DNAH3: variants seen among roughly 807,000 people sequenced by gnomAD.
DNAH3 encodes axonemal beta dynein heavy chain 3.
In DNAH3, 332 loss-of-function variants were observed where a neutral mutation model predicts 432.5. That is an observed-to-expected ratio of 0.77 (90% confidence interval 0.70 to 0.84). DNAH3 has a LOEUF of 0.84. Ranked by LOEUF, DNAH3 falls within the 40% of genes least tolerant of loss-of-function variation. The pLI, the probability that DNAH3 is intolerant of heterozygous loss-of-function variation, is 0.00. For missense variants in DNAH3, 4,861 were observed against 5,114.0 expected (o/e 0.95, Z 1.51); for synonymous variants, 1,956 against 1,900.2 (o/e 1.03, Z -0.76).
intron 11 of DNAH3, among the ~76,000 whole-genome samples, chr16:21,118,202 T>C (rs556386436): frequency 5.3e-5 from 8 of 151,982 alleles, no homozygotes; most frequent in African/African-American, 1.9e-4. Context: ...TGGCCAGGCT[T>C]GTCTCAAACC....
At chr16:21,156,221 TTTA>T (rs1485017418) in intron 1 of DNAH3, among the ~76,000 whole-genome samples, 1 of 150,060 alleles carries the variant, frequency 6.7e-6, no homozygotes, top group African/African-American at 2.4e-5. Context: ...TTTATTTTAT[TTTA>T]TTATTTTATT....
At chr16:21,112,136 A>G (rs931418300) in intron 12 of DNAH3, 38 bp from the exon 13 acceptor site, 12 of 1,404,358 alleles carry the variant, frequency 8.5e-6, no homozygotes, top group African/African-American at 8.5e-5. Context: ...ACACACAAAT[A>G]TAAGTCAACC....
At chr16:21,149,049 G>A (rs564630606) in intron 1 of DNAH3, among the ~76,000 whole-genome samples, 1 of 152,168 alleles carries the variant, frequency 6.6e-6, no homozygotes, top group South Asian at 2.1e-4. Context: ...TGGCCAACAT[G>A]GAGAAATCCC....
chr16:21,097,390 T>C (rs146707068), exon 18 of DNAH3: 8 of 1,614,016 alleles, frequency 5.0e-6, no homozygotes, highest in South Asian at 1.1e-5. Context: ...GCTGAACTCA[T>C]AGGCTGTCGA....
At chr16:21,004,075 T>C (rs2087157409) in intron 41 of DNAH3, among the ~76,000 whole-genome samples, 1 of 152,168 alleles carries the variant, frequency 6.6e-6, no homozygotes, top group South Asian at 2.1e-4. Flanking sequence ...TCAGGTACAG[T>C]TTTTGTCACT....
At chr16:21,130,550 C>T (rs1420003777) in intron 7 of DNAH3, among the ~76,000 whole-genome samples, 1 of 152,134 alleles carries the variant, frequency 6.6e-6, no homozygotes, top group Non-Finnish European at 1.5e-5. Context: ...GGTGATCCAC[C>T]CACCTCAGCC....
exon 50 of DNAH3, chr16:20,979,367 A>C: frequency 6.2e-7 from 1 of 1,614,118 alleles, no homozygotes; most frequent in South Asian, 1.1e-5. Context: ...CAAGCCTGTC[A>C]GGTAGCGGTT....
At chr16:20,953,036 GA>G (rs2084385437) in intron 55 of DNAH3, among the ~76,000 whole-genome samples, 1 of 152,258 alleles carries the variant, frequency 6.6e-6, no homozygotes, top group East Asian at 1.9e-4. Context: ...ATTGGGGGCT[GA>G]ACAAGTGACA....
chr16:21,140,757 A>G, intron 4 of DNAH3, 47 bp from the exon 6 acceptor site: 1 of 1,591,804 alleles, frequency 6.3e-7, no homozygotes, highest in Non-Finnish European at 8.6e-7. Context: ...TTCTCCAGAG[A>G]GGTGCTGTGG....
chr16:21,002,663 G>A (rs1198650715), intron 42 of DNAH3, among the ~76,000 whole-genome samples: 1 of 152,102 alleles, frequency 6.6e-6, no homozygotes, highest in African/African-American at 2.4e-5. Context: ...GTTTCACCAT[G>A]TTGGCCAGGC....
intron 39 of DNAH3, 143 bp from the exon 40 acceptor site, chr16:21,022,243 C>T (rs2088275686): frequency 1.3e-6 from 1 of 775,218 alleles, no homozygotes; most frequent in Non-Finnish European, 2.1e-6. Context: ...AACTTATAGG[C>T]AACAAGACCC....
intron 61 of DNAH3, 80 bp from the exon 62 acceptor site, chr16:20,933,587 T>C: frequency 8.5e-7 from 1 of 1,176,196 alleles, no homozygotes; most frequent in Non-Finnish European, 1.2e-6. Flanking sequence ...AATCTTCTGA[T>C]ACTCAAAGTG....
At chr16:21,073,787 T>A (rs755474293) in intron 21 of DNAH3, among the ~76,000 whole-genome samples, 5 of 152,128 alleles carry the variant, frequency 3.3e-5, no homozygotes, top group Non-Finnish European at 4.4e-5. Flanking sequence ...TGATAGTGGG[T>A]CACAAGACTG....
At chr16:20,985,464 G>A in exon 48 of DNAH3, 1 of 1,614,180 alleles carries the variant, frequency 6.2e-7, no homozygotes, top group Non-Finnish European at 8.5e-7. Context: ...GGTGGCCTTT[G>A]TCCTGCTTCA....
intron 50 of DNAH3, among the ~76,000 whole-genome samples, chr16:20,977,351 T>C (rs1365182705): frequency 1.3e-5 from 2 of 152,188 alleles, no homozygotes; most frequent in Non-Finnish European, 2.9e-5. Flanking sequence ...CACTCCAGCC[T>C]GGGTGATGGA....
exon 19 of DNAH3, chr16:21,086,984 G>C (rs1322594130): frequency 5.6e-6 from 9 of 1,614,062 alleles, no homozygotes; most frequent in African/African-American, 1.3e-5. Context: ...ACAAGGTCTT[G>C]ATCAGTTTAT....
chr16:21,136,933 G>A (rs1026893468), intron 5 of DNAH3, among the ~76,000 whole-genome samples: 4 of 152,076 alleles, frequency 2.6e-5, no homozygotes, highest in Admixed American at 6.5e-5. Context: ...AGGGGTTCGA[G>A]ACCAGCCTGG....
At chr16:21,129,567 CAAAAA>C (rs555280776) in intron 7 of DNAH3, among the ~76,000 whole-genome samples, 16 of 78,008 alleles carry the variant, frequency 2.1e-4, no homozygotes, top group African/African-American at 2.7e-4. Flanking sequence ...CCTATCTCTA[CAAAAA>C]AAAAAAAAAA....
intron 50 of DNAH3, among the ~76,000 whole-genome samples, chr16:20,978,959 G>T (rs947990709): frequency 3.3e-5 from 5 of 151,832 alleles, no homozygotes; most frequent in African/African-American, 1.2e-4. Context: ...ACTCCACAAA[G>T]ATATCTTGAA....
Sources: gnomAD v4.1 joint callset for allele counts (sites outside exome capture counted in the v4.1 genomes callset) on GRCh38, gnomAD v4.1.1 for gene constraint, MANE v1.5 for transcripts, NCBI Gene and HGNC (gene_info 2026-07-23, HGNC 2026-07-21) for gene names.